The following SGCZ variants were observed in gnomAD, a reference collection of about 807,000 sequenced individuals.
SGCZ encodes sarcoglycan zeta.
A neutral mutation model predicts 41.3 loss-of-function variants in SGCZ; 40 were observed. The ratio of observed to expected loss-of-function variants is 0.97; its 90% CI spans 0.75 to 1.26. SGCZ has a LOEUF of 1.26. Among genes scored for constraint, SGCZ ranks in the 50% most tolerant of loss-of-function variants. The probability of loss-of-function intolerance (pLI) is 0.00; values close to 1 mark genes in which losing one functional copy is unlikely to be tolerated. For missense variants in SGCZ, 552 were observed against 369.8 expected, an observed-to-expected ratio of 1.49 and a Z score of -4.04; for synonymous variants, 206 against 137.5, an observed-to-expected ratio of 1.50 and a Z score of -3.49.
At chr8:14,834,201 A>C (rs1308897181) in intron 1 of SGCZ, among the ~76,000 whole-genome samples, 2 of 152,176 alleles carry the variant, frequency 1.3e-5, no homozygotes, top group Non-Finnish European at 2.9e-5. Flanking sequence ...TCCTTCCTTA[A>C]AGAAATTCCT....
intron 1 of SGCZ, among the ~76,000 whole-genome samples, chr8:14,861,886 A>T (rs527388080): frequency 6.6e-6 from 1 of 152,230 alleles, no homozygotes; most frequent in Admixed American, 6.6e-5. Context: ...TTCTTCTCCA[A>T]ATAGGATGGA....
chr8:15,115,078 G>GA (rs1254021807), intron 1 of SGCZ, among the ~76,000 whole-genome samples: 1 of 151,956 alleles, frequency 6.6e-6, no homozygotes, highest in Non-Finnish European at 1.5e-5. Context: ...CCTTGAAACA[G>GA]AAAAAAATAA....
rs1019658003 is a variant in SGCZ at position 14,734,223 on chromosome 8, A to G, written c.40-179297T>C. ...CCGAAAAAGAATACGACAAGATTATATTGTGTTATCAAGATTAAATTCTAA... is the reference window on the plus strand; with the variant it reads ...CCGAAAAAGAATACGACAAGATTATGTTGTGTTATCAAGATTAAATTCTAA... On this transcript the variant is annotated intron_variant, in intron 1 of 7. Coordinates refer to ENST00000382080, the MANE Select transcript of SGCZ (RefSeq NM_139167.4). 6.6e-5 allele frequency among the ~76,000 whole-genome samples: 10 copies of G among 152,324 alleles called. No individual in the cohort carries two copies. In the South Asian group the frequency reaches 8.3e-4, roughly 13 times the overall value.
chr8:15,221,470 A>T (rs1801600649), intron 1 of SGCZ, among the ~76,000 whole-genome samples: 1 of 152,144 alleles, frequency 6.6e-6, no homozygotes, highest in African/African-American at 2.4e-5. Flanking sequence ...TTGGTGAACT[A>T]AAAGATTAGT....
intron 1 of SGCZ, among the ~76,000 whole-genome samples, chr8:14,586,324 G>A (rs1277669115): frequency 1.3e-5 from 2 of 151,866 alleles, no homozygotes; most frequent in African/African-American, 2.4e-5. Context: ...AGTGATTCTT[G>A]TGTCTCAGAC....
intron 1 of SGCZ, among the ~76,000 whole-genome samples, chr8:14,981,491 G>T (rs1386509580): frequency 1.3e-5 from 2 of 152,126 alleles, no homozygotes; most frequent in African/African-American, 2.4e-5. Context: ...GGGAAACCTG[G>T]CTTCATTTCG....
intron 4 of SGCZ, among the ~76,000 whole-genome samples, chr8:14,175,988 A>T (rs2117010530): frequency 1.3e-5 from 2 of 152,272 alleles, no homozygotes; most frequent in Middle Eastern, 3.4e-3. Flanking sequence ...AAAAACTAGA[A>T]TCACCGTGAA....
In SGCZ at chr8:14,236,331, A is replaced by C. The variant is rs117174860; in HGVS notation, c.424+1261T>G. Among the ~76,000 whole-genome samples the C allele has an allele frequency of 8.4e-3, 1,282 of 152,304 alleles. 12 individuals carry two copies. The highest frequency in any genetic ancestry group is 0.014 in the Non-Finnish European group (957 of 68,006). ...ATTATCCAGTTGTAGCAATTAATAG[A>C]TATGTAATGACAAACTTTTATGATG... On this transcript the variant is annotated intron_variant, in intron 4 of 7. Coordinates refer to ENST00000382080, the MANE Select transcript of SGCZ (RefSeq NM_139167.4).
At chr8:14,575,713 C>T (rs1804686932) in intron 1 of SGCZ, among the ~76,000 whole-genome samples, 1 of 151,888 alleles carries the variant, frequency 6.6e-6, no homozygotes, top group African/African-American at 2.4e-5. Flanking sequence ...TCGAGATCAG[C>T]CTGACCAACA....
intron 2 of SGCZ, among the ~76,000 whole-genome samples, chr8:14,339,401 A>G (rs1802621592): frequency 6.6e-6 from 1 of 152,142 alleles, no homozygotes; most frequent in South Asian, 2.1e-4. Flanking sequence ...CATTGACAAA[A>G]CTCTTAGGAC....
intron 1 of SGCZ, among the ~76,000 whole-genome samples, chr8:14,716,446 C>T (rs998162694): frequency 1.9e-4 from 29 of 152,140 alleles, no homozygotes; most frequent in African/African-American, 6.0e-4. Flanking sequence ...TCTCCCAAAA[C>T]TGAATGCACA....
chr8:14,155,737 T>C lies in SGCZ; in HGVS notation c.547+8843A>G, dbSNP rs547839154. ...ATATATTTATATATACAAAGGCATA[T>C]ATCTAAATATACAGTCATGTGTTGC... On this transcript the variant is annotated intron_variant, in intron 5 of 7. Coordinates refer to ENST00000382080, the MANE Select transcript of SGCZ (RefSeq NM_139167.4). Among the ~76,000 whole-genome samples the C allele has an allele frequency of 2.6e-5, 4 of 151,436 alleles. No homozygotes were observed. The South Asian group carries it at 8.3e-4, about 31-fold the overall frequency.
intron 1 of SGCZ, among the ~76,000 whole-genome samples, chr8:15,136,574 C>A (rs1193611230): frequency 6.6e-6 from 1 of 152,046 alleles, no homozygotes; most frequent in African/African-American, 2.4e-5. Flanking sequence ...CTGGAGGTAA[C>A]TGAATCATGG....
At chr8:14,561,738 A>C (rs1340086516) in intron 1 of SGCZ, among the ~76,000 whole-genome samples, 1 of 152,274 alleles carries the variant, frequency 6.6e-6, no homozygotes, top group East Asian at 1.9e-4. Context: ...ATCCTCCTGC[A>C]ATTCAGGGAA....
In SGCZ at chr8:15,151,252, A is replaced by G. The variant is rs544304751; in HGVS notation, c.39+86333T>C. On this transcript the variant is annotated intron_variant, in intron 1 of 7. Transcript: ENST00000382080. ...TTCAGATGAAGCTGCCCCAGCCAAT[A>G]GTTTTACTCCAAGAGAGACCATGAG... Among the ~76,000 whole-genome samples the G allele has an allele frequency of 2.6e-5, 4 of 152,318 alleles. No individual in the cohort carries two copies. The South Asian group carries it at 8.3e-4, about 32-fold the overall frequency.
chr8:15,142,761 A>G (rs1798927184), intron 1 of SGCZ, among the ~76,000 whole-genome samples: 1 of 149,858 alleles, frequency 6.7e-6, no homozygotes, highest in African/African-American at 2.5e-5. Context: ...ACAGGCACAC[A>G]TCACCGCACC....
intron 7 of SGCZ, among the ~76,000 whole-genome samples, chr8:14,101,722 ACAAC>A (rs1017144085): frequency 6.6e-6 from 1 of 151,952 alleles, no homozygotes; most frequent in Non-Finnish European, 1.5e-5. Flanking sequence ...ATGGAAACAA[ACAAC>A]CAAAGTGCTT....
At chr8:15,069,912 T>C (rs1277595603) in intron 1 of SGCZ, among the ~76,000 whole-genome samples, 3 of 152,082 alleles carry the variant, frequency 2.0e-5, no homozygotes, top group Admixed American at 6.6e-5. Flanking sequence ...TTTCATTTTA[T>C]ATATCTATTA....
chr8:15,223,029 TA>T (rs1355304677), intron 1 of SGCZ, among the ~76,000 whole-genome samples: 1 of 152,148 alleles, frequency 6.6e-6, no homozygotes, highest in Non-Finnish European at 1.5e-5. Flanking sequence ...ATTTGGGAAA[TA>T]TTTTTCCAGA....
Sources: allele counts gnomAD v4.1 joint callset (sites outside exome capture counted in the v4.1 genomes callset), GRCh38; gene constraint gnomAD v4.1.1; transcripts MANE v1.5; gene names NCBI Gene and HGNC (gene_info 2026-07-23, HGNC 2026-07-21).